The following PCDH9 variants were observed in gnomAD, a reference collection of about 807,000 sequenced individuals.
PCDH9 encodes protocadherin 9.
A neutral mutation model predicts 70.6 loss-of-function variants in PCDH9; 24 were observed. That is an observed-to-expected ratio of 0.34 (90% CI 0.25 to 0.48). The LOEUF (loss-of-function observed/expected upper bound fraction) is 0.48. Among genes scored for constraint, PCDH9 ranks in the 20% least tolerant of loss-of-function variants. The pLI is 0.99. For missense variants in PCDH9, 1,281 were observed against 1,503.6 expected (o/e 0.85, Z 2.45); for synonymous variants, 562 against 558.5 (o/e 1.01, Z -0.09).
intron 4 of PCDH9, among the ~76,000 whole-genome samples, chr13:66,511,203 C>T (rs368629332): frequency 2.6e-5 from 4 of 152,040 alleles, no homozygotes; most frequent in Admixed American, 1.3e-4. Context: ...TGAGTATTTC[C>T]CTGTATGAAT....
At chr13:67,057,119 T>C (rs147597592) in intron 2 of PCDH9, among the ~76,000 whole-genome samples, 1,540 of 152,254 alleles carry the variant, frequency 0.01, 33 homozygotes, top group African/African-American at 0.035. Flanking sequence ...CCAACTGTGC[T>C]CAACTCAGGA....
intron 4 of PCDH9, among the ~76,000 whole-genome samples, chr13:66,434,088 G>A (rs969673928): frequency 6.6e-6 from 1 of 151,818 alleles, no homozygotes; most frequent in Non-Finnish European, 1.5e-5. Flanking sequence ...TATAAAAATA[G>A]AAATATATAC....
intron 3 of PCDH9, among the ~76,000 whole-genome samples, chr13:66,735,895 C>T (rs1328283193): frequency 6.6e-6 from 1 of 151,580 alleles, no homozygotes; most frequent in Non-Finnish European, 1.5e-5. Context: ...ATCCAGGAGG[C>T]AGAGGTTGCA....
intron 2 of PCDH9, among the ~76,000 whole-genome samples, chr13:67,103,202 T>C (rs995005838): frequency 6.6e-6 from 1 of 152,062 alleles, no homozygotes; most frequent in African/African-American, 2.4e-5. Context: ...ATAAAAATGC[T>C]ACAAGGAAAA....
At chr13:66,745,892 T>A (rs1054318216) in intron 3 of PCDH9, among the ~76,000 whole-genome samples, 5 of 152,138 alleles carry the variant, frequency 3.3e-5, no homozygotes, top group Middle Eastern at 3.2e-3. Flanking sequence ...AAGGAGAACA[T>A]TTTTACTTTG....
chr13:66,893,736 A>G (rs1346590306), intron 3 of PCDH9, among the ~76,000 whole-genome samples: 2 of 152,152 alleles, frequency 1.3e-5, no homozygotes, highest in African/African-American at 2.4e-5. Context: ...TAACTATGCT[A>G]TATGAGATGC....
At chr13:66,533,007 G>C (rs187349813) in intron 4 of PCDH9, among the ~76,000 whole-genome samples, 1 of 152,102 alleles carries the variant, frequency 6.6e-6, no homozygotes, top group South Asian at 2.1e-4. Context: ...GTCACCTTAC[G>C]GTCTTAGCAA....
intron 2 of PCDH9, among the ~76,000 whole-genome samples, chr13:67,006,382 T>C (rs1021667074): frequency 6.6e-6 from 1 of 152,324 alleles, no homozygotes; most frequent in Middle Eastern, 3.4e-3. Flanking sequence ...GAGGCTTCTG[T>C]GATAATCTAG....
intron 2 of PCDH9, among the ~76,000 whole-genome samples, chr13:67,126,104 A>G (rs9541012): frequency 2.0e-5 from 3 of 152,098 alleles, no homozygotes; most frequent in African/African-American, 4.8e-5. Context: ...TATATTTGGT[A>G]AGTAGTGGTC....
At chr13:66,846,884 T>TAC (rs34392674) in intron 3 of PCDH9, among the ~76,000 whole-genome samples, 48,242 of 149,242 alleles carry the variant, frequency 0.32, 7,798 homozygotes, top group Non-Finnish European at 0.37. Flanking sequence ...TTTCTCATAA[T>TAC]ACACACACAC....
At chr13:66,973,723 C>G (rs575116391) in intron 2 of PCDH9, among the ~76,000 whole-genome samples, 33 of 152,102 alleles carry the variant, frequency 2.2e-4, no homozygotes, top group African/African-American at 7.9e-4. Flanking sequence ...TAACTGATTT[C>G]AAATAACCTT....
intron 4 of PCDH9, among the ~76,000 whole-genome samples, chr13:66,592,062 G>A (rs561851955): frequency 2.6e-5 from 4 of 151,698 alleles, no homozygotes; most frequent in African/African-American, 9.6e-5. Flanking sequence ...TAAATGTGAT[G>A]TGAGCCTCTC....
rs369467111 is a variant in PCDH9, at chr13:66,640,516, C to T, written c.3139-9105G>A. Reference sequence around the variant, plus strand: ...ACTGGTAAAAAAGTTTAAACAGTCACGCACCCATGCAAAGACACACACACA... The same window carrying T: ...ACTGGTAAAAAAGTTTAAACAGTCATGCACCCATGCAAAGACACACACACA... On this transcript the variant is annotated intron_variant, in intron 3 of 4. Transcript: ENST00000377865. 3.8e-4 allele frequency among the ~76,000 whole-genome samples: 51 copies of T among 134,022 alleles called. No individual in the cohort carries two copies. In the East Asian group the frequency reaches 8.1e-3, roughly 21 times the overall value. The allele number at this position is 134,022 out of a possible 152,430, so 87.9% of individuals were successfully genotyped here. A position where few individuals can be genotyped will look rare whatever the true frequency, so the allele number is the denominator to read the frequency against.
chr13:67,146,925 T>C (rs1032922036), intron 2 of PCDH9, among the ~76,000 whole-genome samples: 4 of 152,202 alleles, frequency 2.6e-5, no homozygotes, highest in Admixed American at 6.5e-5. Flanking sequence ...GATTCTAGTT[T>C]GTCAGGAAAC....
At chr13:66,851,758 A>C (rs2081318556) in intron 3 of PCDH9, among the ~76,000 whole-genome samples, 1 of 152,238 alleles carries the variant, frequency 6.6e-6, no homozygotes, top group South Asian at 2.1e-4. Flanking sequence ...TTTATAGCAC[A>C]ACAAAATGAG....
chr13:66,808,658 T>C (rs1045456080), intron 3 of PCDH9, among the ~76,000 whole-genome samples: 8 of 152,198 alleles, frequency 5.3e-5, no homozygotes, highest in Non-Finnish European at 1.2e-4. Context: ...TGCTTCCCTG[T>C]AAAGCACTAG....
intron 2 of PCDH9, among the ~76,000 whole-genome samples, chr13:66,907,906 G>A (rs962009945): frequency 1.3e-5 from 2 of 152,148 alleles, no homozygotes; most frequent in Non-Finnish European, 2.9e-5. Flanking sequence ...TTGTACTTTT[G>A]TGCTATAGGT....
intron 4 of PCDH9, among the ~76,000 whole-genome samples, chr13:66,352,598 G>A (rs1380281373): frequency 6.6e-6 from 1 of 151,948 alleles, no homozygotes; most frequent in Non-Finnish European, 1.5e-5. Flanking sequence ...CTTCTTATGA[G>A]GACACTAATC....
intron 4 of PCDH9, among the ~76,000 whole-genome samples, chr13:66,475,509 A>G (rs1958707650): frequency 1.3e-5 from 2 of 152,124 alleles, no homozygotes; most frequent in Non-Finnish European, 2.9e-5. Context: ...TGGAAGTAAC[A>G]TACTATTTTT....
Sources: allele counts gnomAD v4.1 joint callset (sites outside exome capture counted in the v4.1 genomes callset), GRCh38; gene constraint gnomAD v4.1.1; transcripts MANE v1.5; gene names NCBI Gene and HGNC (gene_info 2026-07-23, HGNC 2026-07-21).